Variants in GSTCD observed in about 807,000 individuals in gnomAD.
The protein encoded by GSTCD is glutathione S-transferase C-terminal domain-containing protein.
GSTCD carries 44 observed loss-of-function variants against 68.3 expected under a neutral mutation model. That is an observed-to-expected ratio of 0.64 (90% CI 0.51 to 0.83). The LOEUF is 0.83. Among genes scored for constraint, GSTCD ranks in the 40% least tolerant of loss-of-function variants. The pLI is 0.00. For synonymous variants in GSTCD, 273 were observed against 255.2 expected (o/e 1.07, Z -0.67); for missense variants, 739 against 735.9 (o/e 1.00, Z -0.05).
intron 5 of GSTCD, among the ~76,000 whole-genome samples, chr4:105,770,302 C>T (rs572091646): frequency 1.3e-4 from 19 of 151,542 alleles, no homozygotes; most frequent in Admixed American, 5.9e-4. Context: ...CATTTCCCCG[C>T]GTAGCACCTT....
At chr4:105,710,840 T>C (rs1206106622) in intron 1 of GSTCD, 2 of 152,218 alleles carry the variant, frequency 1.3e-5, no homozygotes, top group Admixed American at 6.5e-5. Context: ...TCCAGAGAGA[T>C]TACACACTTC....
intron 3 of GSTCD, among the ~76,000 whole-genome samples, chr4:105,723,337 T>C (rs1210696797): frequency 1.3e-5 from 2 of 151,916 alleles, no homozygotes; most frequent in East Asian, 3.9e-4. Context: ...GCCTTCCATA[T>C]CCATTGGTTC....
chr4:105,735,768 C>T (rs1376433478), intron 5 of GSTCD, among the ~76,000 whole-genome samples: 1 of 152,026 alleles, frequency 6.6e-6, no homozygotes, highest in Non-Finnish European at 1.5e-5. Context: ...ATTTCTTCTG[C>T]GTCACTCATG....
intron 5 of GSTCD, among the ~76,000 whole-genome samples, chr4:105,733,878 C>G (rs1276627549): frequency 6.6e-6 from 1 of 152,148 alleles, no homozygotes; most frequent in Admixed American, 6.5e-5. Flanking sequence ...TTAGGGCAGG[C>G]CTGGTGGTGA....
intron 8 of GSTCD, among the ~76,000 whole-genome samples, chr4:105,833,031 A>C (rs1236695192): frequency 2.6e-5 from 4 of 152,230 alleles, no homozygotes; most frequent in African/African-American, 9.6e-5. Context: ...GTTGACTTCT[A>C]TGTGGCTCAT....
chr4:105,840,051 A>G (rs745798421), intron 10 of GSTCD: 89 of 286,782 alleles, frequency 3.1e-4, no homozygotes, highest in Admixed American at 7.1e-4. Context: ...TCTGCAGTTC[A>G]ATTTAGACAG....
At chr4:105,831,664 G>A (rs190857707) in intron 8 of GSTCD, among the ~76,000 whole-genome samples, 66 of 152,106 alleles carry the variant, frequency 4.3e-4, no homozygotes, top group African/African-American at 1.5e-3. Context: ...TTAGAAGTTT[G>A]TTATATATTA....
chr4:105,723,615 A>G lies in GSTCD; in HGVS notation c.895-2964A>G, dbSNP rs578143811. Among the ~76,000 whole-genome samples the G allele has an allele frequency of 5.8e-4, 88 of 151,992 alleles. 3 individuals carry two copies. The South Asian group carries it at 0.018, about 31-fold the overall frequency. On this transcript the variant is annotated intron_variant, in intron 3 of 11. Coordinates refer to ENST00000515279, the MANE Select transcript of GSTCD (RefSeq NM_001370181.1). ...GTATCTGTGGATTTGGGTTTCTGAT[A>G]CAGGTCTTGGAACCAATCCTCCATG...
chr4:105,709,606 T>TG (rs1211215795), intron 1 of GSTCD, among the ~76,000 whole-genome samples: 24 of 152,368 alleles, frequency 1.6e-4, no homozygotes, highest in African/African-American at 5.8e-4. Flanking sequence ...CGTTTGCTAA[T>TG]ACACGTACTT....
intron 5 of GSTCD, among the ~76,000 whole-genome samples, chr4:105,731,898 A>G (rs1260369069): frequency 2.0e-5 from 3 of 152,184 alleles, no homozygotes; most frequent in Admixed American, 6.5e-5. Flanking sequence ...AGTTTTTAGC[A>G]TGAAGGGCTG....
At chr4:105,801,265 C>T (rs1218137871) in intron 5 of GSTCD, among the ~76,000 whole-genome samples, 1 of 152,128 alleles carries the variant, frequency 6.6e-6, no homozygotes, top group Non-Finnish European at 1.5e-5. Flanking sequence ...TTTCACTGCT[C>T]TGTACATATT....
At chr4:105,829,349 A>G (rs547606257) in intron 8 of GSTCD, among the ~76,000 whole-genome samples, 1 of 152,154 alleles carries the variant, frequency 6.6e-6, no homozygotes. Context: ...GGAATACCAA[A>G]CATGGAAAAC....
intron 5 of GSTCD, among the ~76,000 whole-genome samples, chr4:105,789,923 C>T (rs978568740): frequency 2.0e-5 from 3 of 151,222 alleles, no homozygotes; most frequent in African/African-American, 7.3e-5. Context: ...TTTGAATTTT[C>T]TCTAGTCATT....
intron 5 of GSTCD, among the ~76,000 whole-genome samples, chr4:105,755,503 T>C (rs1482506651): frequency 6.6e-6 from 1 of 152,188 alleles, no homozygotes; most frequent in Non-Finnish European, 1.5e-5. Context: ...AACACATTAC[T>C]TCTGATACTG....
intron 6 of GSTCD, 58 bp from the exon 7 acceptor site, chr4:105,823,173 G>A (rs556138870): frequency 1.9e-6 from 3 of 1,600,268 alleles, no homozygotes; most frequent in Middle Eastern, 1.7e-4. Context: ...TGTGGTTTCA[G>A]AATGAGGAAA....
intron 5 of GSTCD, among the ~76,000 whole-genome samples, chr4:105,771,254 A>G (rs987178944): frequency 6.6e-6 from 1 of 151,808 alleles, no homozygotes; most frequent in African/African-American, 2.4e-5. Context: ...AGTTTCTTGT[A>G]GATTCTGGAT....
chr4:105,750,643 G>A (rs1212735505), intron 5 of GSTCD, among the ~76,000 whole-genome samples: 1 of 151,906 alleles, frequency 6.6e-6, no homozygotes, highest in African/African-American at 2.4e-5. Flanking sequence ...TGCACTTTTG[G>A]GGATTCATTC....
chr4:105,795,153 G>A (rs1201429982), intron 5 of GSTCD, among the ~76,000 whole-genome samples: 1 of 152,036 alleles, frequency 6.6e-6, no homozygotes, highest in East Asian at 1.9e-4. Context: ...TGGGATTACA[G>A]GCATGAGCCA....
At chr4:105,735,708 G>A (rs1262076339) in intron 5 of GSTCD, among the ~76,000 whole-genome samples, 1 of 152,054 alleles carries the variant, frequency 6.6e-6, no homozygotes, top group Admixed American at 6.6e-5. Flanking sequence ...ACAAGCCCCA[G>A]TGAGATGAAC....
Sources: gnomAD v4.1 joint callset for allele counts (sites outside exome capture counted in the v4.1 genomes callset) on GRCh38, gnomAD v4.1.1 for gene constraint, MANE v1.5 for transcripts, NCBI Gene and HGNC (gene_info 2026-07-23, HGNC 2026-07-21) for gene names.